The following PABPN1 variants were observed in gnomAD, a reference collection of about 807,000 sequenced individuals.
The protein encoded by PABPN1 is polyadenylate-binding protein 2.
A neutral mutation model predicts 33.4 loss-of-function variants in PABPN1; 5 were observed. That is an observed-to-expected ratio of 0.15 (90% confidence interval 0.08 to 0.32). The LOEUF is 0.32. Among genes scored for constraint, PABPN1 ranks in the 10% least tolerant of loss-of-function variants. The pLI, the probability that PABPN1 is intolerant of heterozygous loss-of-function variation, is 1.00. For missense variants in PABPN1, 312 were observed against 425.8 expected (o/e 0.73, Z 2.35); for synonymous variants, 176 against 170.6 (o/e 1.03, Z -0.25).
chr14:23,323,635 C>T, intron 4 of PABPN1, 152 bp downstream of exon 4: 5 of 865,680 alleles, frequency 5.8e-6, no homozygotes, highest in Non-Finnish European at 9.3e-6. Flanking sequence ...TCAGGAGTTG[C>T]ACCTAAATGT....
Position 23,324,266 on chromosome 14 carries a change from C to T in PABPN1, c.858C>T (p.Ser286=). The change falls in exon 6 of 7, where the codon AGC becomes AGT. Residue 286 remains serine, a synonymous_variant. Coordinates refer to ENST00000216727, the MANE Select transcript of PABPN1 (RefSeq NM_004643.4). ...CTCGATTCTACAGTGGTTTTAACAG[C>T]AGGCCCCGGGGTCGCGTCTACAGGT... is the stretch of plus-strand genomic sequence containing the variant. ...SRSRFYSGFN[S]RPRGRVYRGR... The T allele has an allele frequency of 1.2e-6, 2 of 1,613,694 alleles. No individual in the cohort carries two copies. The highest frequency in any genetic ancestry group is 1.7e-6 in the Non-Finnish European group (2 of 1,180,040).
intron 6 of PABPN1, 76 bp from the exon 7 acceptor site, chr14:23,325,171 A>G: frequency 6.3e-7 from 1 of 1,596,638 alleles, no homozygotes; most frequent in African/African-American, 1.3e-5. Flanking sequence ...TAACTGGGGC[A>G]GGGGCCTACG....
Position 23,323,364 on chromosome 14 carries a change from C to A in PABPN1, c.535-13C>A. On this transcript the variant is annotated splice_polypyrimidine_tract_variant and intron_variant, in intron 3 of 6. Coordinates refer to ENST00000216727, the MANE Select transcript of PABPN1 (RefSeq NM_004643.4). ...TTTGCCTGGTGCCTGTGAAATTTTT[C>A]TCCTCTCATCAGGTGGACTATGGTG... The A allele has an allele frequency of 6.2e-7, 1 of 1,612,400 alleles. No homozygotes were observed. Among genetic ancestry groups the A allele is most frequent in the South Asian group, 1.1e-5 (1 of 90,992 alleles).
Position 23,326,054 on chromosome 14 carries a change from G to A in PABPN1, c.*768G>A, listed in dbSNP as rs934221690. On this transcript the variant is annotated 3_prime_UTR_variant, in exon 7 of 7. Transcript: ENST00000216727. Reference sequence around the variant, plus strand: ...TTATTTGGAGGGAATGGGAGGAAGTGGGAACAGGGAGGTGGGAGGTGGATT... The same window carrying A: ...TTATTTGGAGGGAATGGGAGGAAGTAGGAACAGGGAGGTGGGAGGTGGATT... 6.6e-6 allele frequency: 1 copy of A among 151,886 alleles called. No individual in the cohort carries two copies. The highest frequency in any genetic ancestry group is 1.5e-5 in the Non-Finnish European group (1 of 67,878). 9.4% of individuals were successfully genotyped at this position (151,886 alleles called of 1,614,324 possible). A position where few individuals can be genotyped will look rare whatever the true frequency, so the allele number is the denominator to read the frequency against.
intron 2 of PABPN1, 36 bp downstream of exon 2, chr14:23,322,331 CT>C: frequency 6.4e-7 from 1 of 1,555,946 alleles, no homozygotes; most frequent in South Asian, 1.2e-5. Flanking sequence ...AGCCCGGGTT[CT>C]CGGGTTGGAA....
intron 1 of PABPN1, 117 bp from the exon 2 acceptor site, chr14:23,322,064 C>T (rs1374820543): frequency 2.4e-5 from 27 of 1,111,444 alleles, no homozygotes; most frequent in Non-Finnish European, 3.3e-5. Context: ...ACGACCCTCG[C>T]ATGGGGCGAG....
At chr14:23,323,583 G>T in intron 4 of PABPN1, 100 bp downstream of exon 4, 1 of 1,098,490 alleles carries the variant, frequency 9.1e-7, no homozygotes, top group African/African-American at 1.5e-5. Flanking sequence ...GTTAACACAG[G>T]TGATCTGTGT....
chr14:23,324,443 A>T, intron 6 of PABPN1, 154 bp downstream of exon 6: 1 of 1,016,784 alleles, frequency 9.8e-7, no homozygotes, highest in Non-Finnish European at 1.5e-6. Context: ...AGGTAGTTGC[A>T]GGCCAGGCCA....
chr14:23,321,885 C>G (rs1207320506), intron 1 of PABPN1, 65 bp downstream of exon 1: 4 of 933,706 alleles, frequency 4.3e-6, no homozygotes, highest in Non-Finnish European at 6.0e-6. Flanking sequence ...AGGCCCAGAG[C>G]TCGGGCGAGC....
At chr14:23,324,940 A>AG in intron 6 of PABPN1, 1 of 353,896 alleles carries the variant, frequency 2.8e-6, no homozygotes, top group Non-Finnish European at 5.1e-6. Flanking sequence ...GTGATGGCCT[A>AG]GGGTTTAAGA....
At chr14:23,322,035 G>A (rs1888337441) in intron 1 of PABPN1, 146 bp from the exon 2 acceptor site, 2 of 916,664 alleles carry the variant, frequency 2.2e-6, no homozygotes, top group African/African-American at 3.3e-5. Context: ...GTTCTAGAGA[G>A]GGTAGCTTTT....
Position 23,321,532 on chromosome 14 carries a change from G to A in PABPN1, c.63G>A (p.Pro21=), listed in dbSNP as rs1888265346. 2 of 1,283,636 alleles carry A rather than the reference G, an allele frequency of 1.6e-6. No individual in the cohort carries two copies. The highest frequency in any genetic ancestry group is 3.1e-5 in the East Asian group (1 of 31,792). The allele number at this position is 1,283,636 out of a possible 1,614,324, so 79.5% of individuals were successfully genotyped here. Residue 21 remains proline, a synonymous_variant, in exon 1 of 7, where the codon CCG becomes CCA. Coordinates refer to ENST00000216727, the MANE Select transcript of PABPN1 (RefSeq NM_004643.4). ...CTGCGGGCGGTCGGGGCTCCGGGCCGGGGCGGCGGCGCCATCTTGTGCCCG... is the reference window on the plus strand; with the variant it reads ...CTGCGGGCGGTCGGGGCTCCGGGCCAGGGCGGCGGCGCCATCTTGTGCCCG... ...AGAAGGRGSG[P]GRRRHLVPGA...
rs1438462718 is a variant in PABPN1, at chr14:23,321,553, G to A, written c.84G>A (p.Val28=). 28 of 1,394,228 alleles carry A rather than the reference G, an allele frequency of 2.0e-5. No individual in the cohort carries two copies. Among genetic ancestry groups the A allele is most frequent in the Admixed American group, 2.6e-5 (1 of 38,482 alleles). 86.4% of individuals were successfully genotyped at this position (1,394,228 alleles called of 1,614,324 possible). Residue 28 remains valine, a synonymous_variant, in exon 1 of 7, where the codon GTG becomes GTA. Coordinates refer to ENST00000216727, the MANE Select transcript of PABPN1 (RefSeq NM_004643.4). ...GSGPGRRRHL[V]PGAGGEAGEG... ...GGCCGGGGCGGCGGCGCCATCTTGT[G>A]CCCGGGGCCGGTGGGGAGGCCGGGG...
chr14:23,325,177 C>A, intron 6 of PABPN1, 70 bp from the exon 7 acceptor site: 1 of 1,606,030 alleles, frequency 6.2e-7, no homozygotes, highest in Non-Finnish European at 8.5e-7. Flanking sequence ...GGGCAGGGGC[C>A]TACGGGGAGG....
In PABPN1 at chr14:23,325,321, AAG is replaced by A. The variant is rs1435936150; in HGVS notation, c.*38_*39del. 1 of 1,574,972 alleles carries A rather than the reference AAG, an allele frequency of 6.3e-7. No homozygotes were observed. The highest frequency in any genetic ancestry group is 2.2e-5 in the East Asian group (1 of 44,690). ...GTATTAGGAGGAGAGAGAGGAAAAA[AAG>A]AGGAAAGAAGGAAAAAAAAAAGAAT... On this transcript the variant is annotated 3_prime_UTR_variant, in exon 7 of 7. Coordinates refer to ENST00000216727, the MANE Select transcript of PABPN1 (RefSeq NM_004643.4).
At chr14:23,323,193 T>G in intron 3 of PABPN1, 127 bp downstream of exon 3, 2 of 1,332,646 alleles carry the variant, frequency 1.5e-6, no homozygotes, top group Non-Finnish European at 1.1e-6. Flanking sequence ...GGGAAGGAGG[T>G]TAAAGGTAAT....
At chr14:23,324,573 A>C in intron 6 of PABPN1, 1 of 562,556 alleles carries the variant, frequency 1.8e-6, no homozygotes, top group Non-Finnish European at 3.2e-6. Flanking sequence ...GTGGCATTTG[A>C]AGGTGTTTGC....
At position 23,321,490 on chromosome 14, in the gene PABPN1, G is replaced by GGCAGCA. The variant is rs1401656265; in HGVS notation, c.27_32dup (p.Ala10_Ala11dup). On this transcript the variant is annotated inframe_insertion, in exon 1 of 7. Coordinates refer to ENST00000216727, the MANE Select transcript of PABPN1 (RefSeq NM_004643.4). ...CGGCGATGGCGGCGGCGGCGGCGGCGGCAGCAGCAGCGGGGGCTGCGGGCG... is the reference window on the plus strand; with the variant it reads ...CGGCGATGGCGGCGGCGGCGGCGGCGGCAGCAGCAGCAGCAGCGGGGGCTGCGGGCG... The GGCAGCA allele has an allele frequency of 5.0e-6, 6 of 1,198,112 alleles. No homozygotes were observed. The highest frequency in any genetic ancestry group is 6.2e-6 in the Non-Finnish European group (6 of 965,620). The allele number at this position is 1,198,112 out of a possible 1,614,324, so 74.2% of individuals were successfully genotyped here. A position where few individuals can be genotyped will look rare whatever the true frequency, so the allele number is the denominator to read the frequency against.
intron 1 of PABPN1, 103 bp downstream of exon 1, chr14:23,321,923 CGGG>C: frequency 1.8e-5 from 5 of 275,340 alleles, no homozygotes; most frequent in Non-Finnish European, 3.2e-5. Flanking sequence ...TGGGGTTGGG[CGGG>C]GAATAACGTG....
Sources: allele counts gnomAD v4.1 joint callset, GRCh38; gene constraint gnomAD v4.1.1; transcripts MANE v1.5; gene names NCBI Gene and HGNC (gene_info 2026-07-23, HGNC 2026-07-21).